NEDD4L: variants seen among roughly 807,000 people sequenced by gnomAD.
NEDD4L encodes the protein NEDD4 like E3 ubiquitin protein ligase, also known as E3 ubiquitin-protein ligase NEDD4-like.
NEDD4L carries 54 observed loss-of-function variants against 148.9 expected under a neutral mutation model. The observed-to-expected ratio is 0.36, with a 90% CI of 0.29 to 0.45. NEDD4L has a LOEUF of 0.45. Among genes scored for constraint, NEDD4L ranks in the 20% least tolerant of loss-of-function variants. NEDD4L has a pLI of 1.00. For synonymous variants in NEDD4L, 433 were observed against 440.7 expected (o/e 0.98, Z 0.22); for missense variants, 856 against 1,233.8 (o/e 0.69, Z 4.59).
At chr18:58,139,988 G>A (rs908393051) in intron 1 of NEDD4L, among the ~76,000 whole-genome samples, 6 of 152,168 alleles carry the variant, frequency 3.9e-5, no homozygotes, top group African/African-American at 1.4e-4. Context: ...CATTGCTGAT[G>A]GACATTGGTT....
chr18:58,194,647 C>T (rs1012409798), intron 2 of NEDD4L, among the ~76,000 whole-genome samples: 4 of 151,866 alleles, frequency 2.6e-5, no homozygotes, highest in African/African-American at 9.7e-5. Context: ...TTTGTTTGAC[C>T]GTTGTATGCA....
intron 5 of NEDD4L, among the ~76,000 whole-genome samples, chr18:58,268,375 T>C (rs1304612022): frequency 2.0e-5 from 3 of 152,002 alleles, no homozygotes; most frequent in Non-Finnish European, 2.9e-5. Context: ...CTTCCCTAGA[T>C]CTGGACAAGG....
intron 1 of NEDD4L, among the ~76,000 whole-genome samples, chr18:58,115,884 T>A (rs1203858710): frequency 6.6e-6 from 1 of 152,254 alleles, no homozygotes; most frequent in East Asian, 1.9e-4. Context: ...GCAAAATCAG[T>A]ACAGTGTGTC....
At chr18:58,204,424 A>G (rs2147504067) in intron 2 of NEDD4L, among the ~76,000 whole-genome samples, 1 of 152,360 alleles carries the variant, frequency 6.6e-6, no homozygotes, top group South Asian at 2.1e-4. Flanking sequence ...TTACTTATTC[A>G]CAATAAGCAG....
At chr18:58,342,625 A>T (rs752869642) in intron 15 of NEDD4L, among the ~76,000 whole-genome samples, 1 of 152,196 alleles carries the variant, frequency 6.6e-6, no homozygotes, top group Non-Finnish European at 1.5e-5. Flanking sequence ...ACTCTGTAAA[A>T]TCTCCATCCA....
chr18:58,253,148 G>A (rs1022550897), intron 5 of NEDD4L, among the ~76,000 whole-genome samples: 6 of 152,130 alleles, frequency 3.9e-5, no homozygotes, highest in African/African-American at 1.4e-4. Context: ...ATTTTTAATA[G>A]CTGGACGTTA....
chr18:58,083,555 G>A (rs2083578682), intron 1 of NEDD4L, among the ~76,000 whole-genome samples: 1 of 152,218 alleles, frequency 6.6e-6, no homozygotes, highest in Middle Eastern at 3.4e-3. Flanking sequence ...GGGCGTGGTG[G>A]CGGGTGCCTG....
chr18:58,209,681 A>G (rs1260520693), intron 2 of NEDD4L, among the ~76,000 whole-genome samples: 1 of 148,910 alleles, frequency 6.7e-6, no homozygotes, highest in East Asian at 2.0e-4. Flanking sequence ...TTGAGTCTGC[A>G]TCCTAAGAAA....
intron 2 of NEDD4L, among the ~76,000 whole-genome samples, chr18:58,228,810 A>G (rs1294485950): frequency 6.6e-6 from 1 of 152,192 alleles, no homozygotes; most frequent in East Asian, 1.9e-4. Flanking sequence ...TCCACATACA[A>G]CTTGATATTC....
At chr18:58,375,947 G>T (rs1427957976) in intron 24 of NEDD4L, among the ~76,000 whole-genome samples, 1 of 152,118 alleles carries the variant, frequency 6.6e-6, no homozygotes, top group Non-Finnish European at 1.5e-5. Flanking sequence ...TAGTCACCCT[G>T]GAAGTATCTT....
chr18:58,177,373 G>A (rs1378166983), intron 2 of NEDD4L, among the ~76,000 whole-genome samples: 1 of 152,134 alleles, frequency 6.6e-6, no homozygotes, highest in Non-Finnish European at 1.5e-5. Flanking sequence ...AAGACAATGA[G>A]GAAAATATTT....
At chr18:58,179,425 ACTCT>A (rs986474255) in intron 2 of NEDD4L, among the ~76,000 whole-genome samples, 6 of 151,780 alleles carry the variant, frequency 4.0e-5, no homozygotes, top group Non-Finnish European at 8.8e-5. Context: ...GTCGTCCTTT[ACTCT>A]CTCATCCTTC....
intron 1 of NEDD4L, among the ~76,000 whole-genome samples, chr18:58,060,076 A>C (rs1215059093): frequency 8.4e-6 from 1 of 119,626 alleles, no homozygotes; most frequent in East Asian, 2.8e-4. Context: ...GGTTGTAGAC[A>C]CCCGGAGTGG....
chr18:58,119,128 T>TAAGC (rs1426602421), intron 1 of NEDD4L, among the ~76,000 whole-genome samples: 1 of 152,242 alleles, frequency 6.6e-6, no homozygotes, highest in Non-Finnish European at 1.5e-5. Context: ...ACTTCACCTC[T>TAAGC]AAGCTCTCAG....
chr18:58,331,027 ACT>A, intron 11 of NEDD4L, 113 bp downstream of exon 11: 4 of 1,053,056 alleles, frequency 3.8e-6, no homozygotes, highest in Non-Finnish European at 5.5e-6. Flanking sequence ...CTCCCAGCTA[ACT>A]CTGACATTTT....
chr18:58,195,540 A>G (rs1247185474), intron 2 of NEDD4L: 1 of 1,341,184 alleles, frequency 7.5e-7, no homozygotes, highest in African/African-American at 1.5e-5. Flanking sequence ...GCGGCTGCAG[A>G]GCCCTGTCCA....
In NEDD4L at chr18:58,387,344, T is replaced by A. The variant is rs1195004920; in HGVS notation, c.2488-95T>A. ...TAGGAATCATCAGGAGAGATTATAT[T>A]TTTTTCTGGCTAACCAGAAAAGTTT... On this transcript the variant is annotated intron_variant, in intron 26 of 30. Transcript: ENST00000400345. 1.1e-5 allele frequency: 15 copies of A among 1,375,028 alleles called. No homozygotes were observed. The Admixed American group carries it at 1.2e-4, about 11-fold the overall frequency. 85.2% of individuals were successfully genotyped at this position (1,375,028 alleles called of 1,614,324 possible). A position where few individuals can be genotyped will look rare whatever the true frequency, so the allele number is the denominator to read the frequency against.
At position 58,399,386 on chromosome 18, in the gene NEDD4L, C is replaced by T. The variant is rs923366622; in HGVS notation, c.*3117C>T. On this transcript the variant is annotated 3_prime_UTR_variant, in exon 31 of 31. Transcript: ENST00000400345. ...AGACACTTGGTTTTTGTTTCCAGGA[C>T]CCTTCAGAAGGTGACATCAGATATT... is the stretch of plus-strand genomic sequence containing the variant. The T allele has an allele frequency of 1.4e-4, 22 of 152,174 alleles. No individual in the cohort carries two copies. Among genetic ancestry groups the T allele is most frequent in the Non-Finnish European group, 4.4e-5 (3 of 68,036 alleles). 9.4% of individuals were successfully genotyped at this position (152,174 alleles called of 1,614,324 possible). A position where few individuals can be genotyped will look rare whatever the true frequency, so the allele number is the denominator to read the frequency against.
chr18:58,174,404 T>C (rs892858604), intron 2 of NEDD4L, among the ~76,000 whole-genome samples: 3 of 152,156 alleles, frequency 2.0e-5, no homozygotes, highest in Non-Finnish European at 4.4e-5. Flanking sequence ...AGTCCAGTCT[T>C]TCAGCCTTCA....
Sources: gnomAD v4.1 joint callset for allele counts (sites outside exome capture counted in the v4.1 genomes callset) on GRCh38, gnomAD v4.1.1 for gene constraint, MANE v1.5 for transcripts, NCBI Gene and HGNC (gene_info 2026-07-23, HGNC 2026-07-21) for gene names.